The following DRC11 variants were observed in gnomAD, a reference collection of about 807,000 sequenced individuals.
The protein encoded by DRC11 is dynein regulatory complex subunit 11, also known as IQ and AAA domain-containing protein 1.
At chr2:236,377,833 A>G in the DRC11 span, among the ~76,000 whole-genome samples, 18 of 152,214 alleles carry the variant, frequency 1.2e-4, no homozygotes, top group Non-Finnish European at 1.9e-4. This position sits in a 1 kb window ranked among gnomAD's most constrained non-coding sequence, Gnocchi z 4.9. Flanking sequence ...TTGAGAAAAA[A>G]ATGGACATAG....
At chr2:236,398,700 G>T in the DRC11 span, among the ~76,000 whole-genome samples, 2 of 152,146 alleles carry the variant, frequency 1.3e-5, no homozygotes, top group Admixed American at 1.3e-4. The surrounding 1 kb of genome is among the most constrained non-coding windows in gnomAD (Gnocchi z 6.2). Flanking sequence ...TACACTTGCG[G>T]ATCCAGCCAG....
At chr2:236,419,266 A>G in the DRC11 span, 8 of 1,529,056 alleles carry the variant, frequency 5.2e-6, no homozygotes, top group Non-Finnish European at 7.0e-6. This position sits in a 1 kb window ranked among gnomAD's most constrained non-coding sequence, Gnocchi z 4.8. Context: ...TGATATCCTC[A>G]ATAACCTAGT....
the DRC11 span, chr2:236,377,118 G>C: frequency 1.2e-6 from 2 of 1,606,198 alleles, no homozygotes; most frequent in Non-Finnish European, 1.7e-6. This position sits in a 1 kb window ranked among gnomAD's most constrained non-coding sequence, Gnocchi z 4.9. Context: ...TAATCAGAGA[G>C]GTTGACTTTC....
chr2:236,322,101 AC>A, the DRC11 span, among the ~76,000 whole-genome samples: 758 of 152,060 alleles, frequency 5.0e-3, 13 homozygotes, highest in Admixed American at 0.039. Flanking sequence ...CCTGCCCTAA[AC>A]CTTTAAATAC....
the DRC11 span, among the ~76,000 whole-genome samples, chr2:236,358,271 A>T: frequency 7.5e-6 from 1 of 133,356 alleles, no homozygotes; most frequent in Non-Finnish European, 1.5e-5. Context: ...AATATATAAT[A>T]TATAGATATA....
the DRC11 span, among the ~76,000 whole-genome samples, chr2:236,399,139 G>A: frequency 6.6e-6 from 1 of 151,974 alleles, no homozygotes; most frequent in African/African-American, 2.4e-5. The surrounding 1 kb of genome is among the most constrained non-coding windows in gnomAD (Gnocchi z 7.0). Flanking sequence ...ACAGGCTCCC[G>A]CTGTTACGCC....
At chr2:236,373,701 TTA>T in the DRC11 span, among the ~76,000 whole-genome samples, 5 of 152,224 alleles carry the variant, frequency 3.3e-5, no homozygotes, top group South Asian at 1.0e-3. Flanking sequence ...TTGCTCAAAT[TTA>T]TATGAGTGAA....
At chr2:236,505,969 C>T in the DRC11 span, among the ~76,000 whole-genome samples, 15 of 152,182 alleles carry the variant, frequency 9.9e-5, no homozygotes, top group Non-Finnish European at 2.1e-4. Flanking sequence ...TCTATAGTTT[C>T]TCTCCCCCTA....
chr2:236,416,753 ATATATATATATATAT>A, the DRC11 span, among the ~76,000 whole-genome samples: 4 of 79,214 alleles, frequency 5.0e-5, no homozygotes, highest in East Asian at 7.1e-4. Context: ...ATATATATAT[ATATATATATATATAT>A]AAATAATTTT....
chr2:236,490,229 A>G, the DRC11 span, among the ~76,000 whole-genome samples: 1 of 152,338 alleles, frequency 6.6e-6, no homozygotes, highest in African/African-American at 2.4e-5. The surrounding 1 kb of genome is among the most constrained non-coding windows in gnomAD (Gnocchi z 5.5). Flanking sequence ...AGCAAACTCC[A>G]AGGCTGGTGT....
chr2:236,502,128 C>T, the DRC11 span, among the ~76,000 whole-genome samples: 3 of 152,166 alleles, frequency 2.0e-5, no homozygotes, highest in Non-Finnish European at 4.4e-5. Flanking sequence ...CCCAATGGAC[C>T]TTCAGTGGAG....
chr2:236,459,907 A>G, the DRC11 span, among the ~76,000 whole-genome samples: 5 of 152,076 alleles, frequency 3.3e-5, no homozygotes, highest in Admixed American at 3.3e-4. Flanking sequence ...ACCCCTTATG[A>G]CAACTATAAG....
chr2:236,342,055 C>T, the DRC11 span, among the ~76,000 whole-genome samples: 1 of 152,188 alleles, frequency 6.6e-6, no homozygotes, highest in Non-Finnish European at 1.5e-5. This position sits in a 1 kb window ranked among gnomAD's most constrained non-coding sequence, Gnocchi z 5.8. Flanking sequence ...ATGCCCCAAT[C>T]CCCGGGTGAG....
the DRC11 span, chr2:236,497,633 C>T: frequency 1.3e-5 from 8 of 614,052 alleles, no homozygotes; most frequent in African/African-American, 1.3e-4. This position sits in a 1 kb window ranked among gnomAD's most constrained non-coding sequence, Gnocchi z 5.1. Flanking sequence ...GCTTGATAGA[C>T]AATTTATATC....
the DRC11 span, among the ~76,000 whole-genome samples, chr2:236,307,045 G>A: frequency 2.0e-5 from 3 of 152,292 alleles, no homozygotes; most frequent in African/African-American, 4.8e-5. This position sits in a 1 kb window ranked among gnomAD's most constrained non-coding sequence, Gnocchi z 7.0. Flanking sequence ...GTGGGATGGA[G>A]TCTTCACTTG....
the DRC11 span, among the ~76,000 whole-genome samples, chr2:236,405,254 C>G: frequency 2.0e-5 from 3 of 152,174 alleles, no homozygotes; most frequent in Non-Finnish European, 4.4e-5. This position sits in a 1 kb window ranked among gnomAD's most constrained non-coding sequence, Gnocchi z 4.6. Flanking sequence ...CACTTGCTGG[C>G]TGAACAAATA....
the DRC11 span, among the ~76,000 whole-genome samples, chr2:236,431,824 T>A: frequency 6.6e-6 from 1 of 152,180 alleles, no homozygotes; most frequent in Non-Finnish European, 1.5e-5. The surrounding 1 kb of genome is among the most constrained non-coding windows in gnomAD (Gnocchi z 4.2). Flanking sequence ...TACCTATCTA[T>A]TCCCCAGTTG....
chr2:236,333,444 T>C, the DRC11 span: 1 of 153,382 alleles, frequency 6.5e-6, no homozygotes, highest in African/African-American at 2.4e-5. The surrounding 1 kb of genome is among the most constrained non-coding windows in gnomAD (Gnocchi z 6.0). Flanking sequence ...AGATCTGGTG[T>C]GTCTTCCGTC....
At chr2:236,491,240 T>TATATATATATATATATAC in the DRC11 span, among the ~76,000 whole-genome samples, 2 of 52,530 alleles carry the variant, frequency 3.8e-5, no homozygotes, top group African/African-American at 1.1e-4. Flanking sequence ...TATATATATA[T>TATATATATATATATATAC]ACACAGTATA....
Sources: gnomAD v4.1 joint callset for allele counts (sites outside exome capture counted in the v4.1 genomes callset) on GRCh38, gnomAD v4.1.1 for gene constraint, Gnocchi (gnomAD v3.1) non-coding constraint, MANE v1.5 for transcripts, NCBI Gene and HGNC (gene_info 2026-07-23, HGNC 2026-07-21) for gene names.